Variants in SUDS3 observed in about 807,000 individuals in gnomAD.
The protein encoded by SUDS3 is SIN3A corepressor complex component SDS3.
Under a neutral mutation model 53.5 loss-of-function variants are expected in SUDS3, and 23 were observed. The observed-to-expected ratio is 0.43, with a 90% CI of 0.31 to 0.61. The LOEUF (loss-of-function observed/expected upper bound fraction) is 0.61, where lower values mean the gene tolerates loss of function less well. Ranked by LOEUF, SUDS3 falls within the 20% of genes least tolerant of loss-of-function variation. The probability of loss-of-function intolerance (pLI) is 0.10; values close to 1 mark genes in which losing one functional copy is unlikely to be tolerated. For synonymous variants in SUDS3, 150 were observed against 148.5 expected, an observed-to-expected ratio of 1.01 and a Z score of -0.08; for missense variants, 291 against 405.9, an observed-to-expected ratio of 0.72 and a Z score of 2.43.
intron 9 of SUDS3, 131 bp from the exon 10 acceptor site, chr12:118,403,281 T>A (rs2046280069): frequency 1.4e-6 from 1 of 726,248 alleles, no homozygotes. Flanking sequence ...TGAAATCCCA[T>A]GCATTATCAC....
At chr12:118,407,974 T>A (rs945736668) in intron 10 of SUDS3, among the ~76,000 whole-genome samples, 3 of 150,586 alleles carry the variant, frequency 2.0e-5, no homozygotes, top group Admixed American at 1.3e-4. Flanking sequence ...CCATCTCAGC[T>A]CACTGCAACC....
chr12:118,415,738 G>A lies in SUDS3; in HGVS notation c.*1305G>A, dbSNP rs2046394744. Reference sequence around the variant, plus strand: ...GTAAGTAATTCTTTTGGTCTCAAGTGATTCTCTTCATGTTGTCTCTTGATG... The same window carrying A: ...GTAAGTAATTCTTTTGGTCTCAAGTAATTCTCTTCATGTTGTCTCTTGATG... On this transcript the variant is annotated 3_prime_UTR_variant, in exon 12 of 12. Coordinates refer to ENST00000543473, the MANE Select transcript of SUDS3 (RefSeq NM_022491.3). The A allele has an allele frequency of 6.6e-6, 1 of 152,080 alleles. No individual in the cohort carries two copies. Among genetic ancestry groups the A allele is most frequent in the South Asian group, 2.1e-4 (1 of 4,808 alleles). 9.4% of individuals were successfully genotyped at this position (152,080 alleles called of 1,614,324 possible). A position where few individuals can be genotyped will look rare whatever the true frequency, so the allele number is the denominator to read the frequency against.
chr12:118,409,143 A>C (rs973856810), intron 10 of SUDS3, among the ~76,000 whole-genome samples: 1 of 150,922 alleles, frequency 6.6e-6, no homozygotes, highest in Non-Finnish European at 1.5e-5. Context: ...AATTGAATTT[A>C]AAATTCTTTT....
chr12:118,386,204 GC>G lies in SUDS3; in HGVS notation c.340+20del, dbSNP rs2046113335. 6.4e-7 allele frequency: 1 copy of G among 1,570,022 alleles called. No individual in the cohort carries two copies. Among genetic ancestry groups the G allele is most frequent in the Admixed American group, 1.8e-5 (1 of 55,516 alleles). ...AATGCAGGTAAGGCTCCTTTAAATG[GC>G]AATGAATCATCTTTCAATGTTTGAC... On this transcript the variant is annotated intron_variant, in intron 4 of 11. Transcript: ENST00000543473.
At chr12:118,380,679 C>T (rs1174929972) in intron 2 of SUDS3, among the ~76,000 whole-genome samples, 1 of 152,124 alleles carries the variant, frequency 6.6e-6, no homozygotes, top group Non-Finnish European at 1.5e-5. Flanking sequence ...GGAATGAGGC[C>T]GTACAACAGG....
chr12:118,381,761 A>G (rs912125604), intron 2 of SUDS3, among the ~76,000 whole-genome samples: 1 of 119,736 alleles, frequency 8.4e-6, no homozygotes, highest in African/African-American at 2.6e-5. Flanking sequence ...TTGTCTTCAG[A>G]CAGAGCCACA....
intron 1 of SUDS3, 82 bp downstream of exon 1, chr12:118,376,915 G>C (rs1242744721): frequency 8.2e-6 from 11 of 1,348,604 alleles, no homozygotes; most frequent in Non-Finnish European, 9.5e-6. Flanking sequence ...GGAGAGGGGC[G>C]GGGCGGCCTC....
Position 118,376,642 on chromosome 12 carries a change from C to T in SUDS3, c.-50C>T, listed in dbSNP as rs1238226399. 1 of 1,410,852 alleles carries T rather than the reference C, an allele frequency of 7.1e-7. No homozygotes were observed. Among genetic ancestry groups the T allele is most frequent in the Non-Finnish European group, 9.2e-7 (1 of 1,090,414 alleles). 87.4% of individuals were successfully genotyped at this position (1,410,852 alleles called of 1,614,324 possible). A position where few individuals can be genotyped will look rare whatever the true frequency, so the allele number is the denominator to read the frequency against. The stretch of plus-strand genomic sequence containing the variant: ...CTAGGCAGACGGCGAGTACCGAGCG[C>T]GGGTGGCCGCGGTGTCCGTGGGCCA... On this transcript the variant is annotated 5_prime_UTR_variant, in exon 1 of 12. Coordinates refer to ENST00000543473, the MANE Select transcript of SUDS3 (RefSeq NM_022491.3).
rs2046263910 is a variant in SUDS3, at chr12:118,401,689, G to A, written c.614-70G>A. The A allele has an allele frequency of 4.1e-6, 5 of 1,223,400 alleles. No individual in the cohort carries two copies. The Admixed American group carries it at 9.2e-5, about 23-fold the overall frequency. 75.8% of individuals were successfully genotyped at this position (1,223,400 alleles called of 1,614,324 possible). ...ATACTTTGTAAATTCTAAAATACTGGTACCATTGTGTTGATTACTCTTTGC... is the reference window on the plus strand; with the variant it reads ...ATACTTTGTAAATTCTAAAATACTGATACCATTGTGTTGATTACTCTTTGC... On this transcript the variant is annotated intron_variant, in intron 7 of 11. Coordinates refer to ENST00000543473, the MANE Select transcript of SUDS3 (RefSeq NM_022491.3).
intron 10 of SUDS3, chr12:118,404,175 ATC>A (rs1184024574): frequency 6.6e-6 from 1 of 152,206 alleles, no homozygotes; most frequent in Non-Finnish European, 1.5e-5. Context: ...CAGTGGCGTA[ATC>A]TCGGCTCACT....
chr12:118,390,068 T>A lies in SUDS3; in HGVS notation c.360+122T>A, dbSNP rs1036872661. On this transcript the variant is annotated intron_variant, in intron 5 of 11. Coordinates refer to ENST00000543473, the MANE Select transcript of SUDS3 (RefSeq NM_022491.3). ...AGTTTGGAAGCCTTCACCACTGTTCTGTTTGACTTAAGGACATTTGGTCTC... is the reference window on the plus strand; with the variant it reads ...AGTTTGGAAGCCTTCACCACTGTTCAGTTTGACTTAAGGACATTTGGTCTC... 4 of 1,228,864 alleles carry A rather than the reference T, an allele frequency of 3.3e-6. No individual in the cohort carries two copies. In the Admixed American group the frequency reaches 5.5e-5, roughly 17 times the overall value. The allele number at this position is 1,228,864 out of a possible 1,614,324, so 76.1% of individuals were successfully genotyped here. A position where few individuals can be genotyped will look rare whatever the true frequency, so the allele number is the denominator to read the frequency against.
Position 118,414,948 on chromosome 12 carries a change from T to A in SUDS3, c.*515T>A, listed in dbSNP as rs1347091570. The A allele has an allele frequency of 6.6e-6, 1 of 152,310 alleles. No individual in the cohort carries two copies. The highest frequency in any genetic ancestry group is 6.5e-5 in the Admixed American group (1 of 15,278). 9.4% of individuals were successfully genotyped at this position (152,310 alleles called of 1,614,324 possible). ...AGAGGTCCTAGCAGGAGATGATGAA[T>A]TCTCGTGGCTCTCGGCCTTCTCAGA... On this transcript the variant is annotated 3_prime_UTR_variant, in exon 12 of 12. Transcript: ENST00000543473.
intron 10 of SUDS3, among the ~76,000 whole-genome samples, chr12:118,408,704 T>A (rs79966106): frequency 1.3e-5 from 2 of 152,084 alleles, no homozygotes; most frequent in South Asian, 2.1e-4. Flanking sequence ...TTTTTTTTTT[T>A]ACCTACCAGT....
chr12:118,397,281 T>C (rs551563006), intron 6 of SUDS3, among the ~76,000 whole-genome samples: 6 of 152,264 alleles, frequency 3.9e-5, no homozygotes, highest in African/African-American at 1.4e-4. Context: ...TTGATTTTTG[T>C]CAGTGTAGCC....
chr12:118,378,835 C>G (rs1035284895), intron 1 of SUDS3, among the ~76,000 whole-genome samples: 1 of 152,096 alleles, frequency 6.6e-6, no homozygotes, highest in Non-Finnish European at 1.5e-5. Context: ...GCCGCCACCC[C>G]CAGCTAATTT....
rs528354558 is a variant in SUDS3, at chr12:118,416,201, T to A, written c.*1768T>A. 69 of 152,326 alleles carry A rather than the reference T, an allele frequency of 4.5e-4. No homozygotes were observed. Among genetic ancestry groups the A allele is most frequent in the African/African-American group, 1.7e-3 (69 of 41,588 alleles). The allele number at this position is 152,326 out of a possible 1,614,324, so 9.4% of individuals were successfully genotyped here. On this transcript the variant is annotated 3_prime_UTR_variant, in exon 12 of 12. Coordinates refer to ENST00000543473, the MANE Select transcript of SUDS3 (RefSeq NM_022491.3). ...TATTGTGCAGCTGTTGGTTTTCATG[T>A]AGTGCCCTGCGATGGAAATTAGATA... is the stretch of plus-strand genomic sequence containing the variant.
intron 6 of SUDS3, among the ~76,000 whole-genome samples, chr12:118,395,754 C>A (rs564611948): frequency 6.6e-6 from 1 of 152,056 alleles, no homozygotes; most frequent in East Asian, 1.9e-4. Flanking sequence ...TGCAGTGCCA[C>A]GGTCTTGGCT....
At chr12:118,390,499 C>T (rs1310456210) in intron 5 of SUDS3, among the ~76,000 whole-genome samples, 1 of 152,108 alleles carries the variant, frequency 6.6e-6, no homozygotes, top group Non-Finnish European at 1.5e-5. Context: ...TTTTTCAGAG[C>T]CACATTATTG....
rs896605931 is a variant in SUDS3, at chr12:118,406,985, C to T, written c.803+3468C>T. On this transcript the variant is annotated intron_variant, in intron 10 of 11. Transcript: ENST00000543473. ...GATCATAGCTCACTGGAGCCTTGAT[C>T]CCCCTGGCTCAAGCGATCTTCCCAC... Among the ~76,000 whole-genome samples, 4 of 151,150 alleles carry T rather than the reference C, an allele frequency of 2.6e-5. No individual in the cohort carries two copies. In the East Asian group the frequency reaches 5.9e-4, roughly 22 times the overall value.
Sources: gnomAD v4.1 joint callset for allele counts (sites outside exome capture counted in the v4.1 genomes callset) on GRCh38, gnomAD v4.1.1 for gene constraint, MANE v1.5 for transcripts, NCBI Gene and HGNC (gene_info 2026-07-23, HGNC 2026-07-21) for gene names.